Variants in LY86 observed in about 807,000 individuals in gnomAD.
LY86 encodes the protein lymphocyte antigen 86, also known as MD-1, RP105-associated.
In LY86, 20 loss-of-function variants were observed where a neutral mutation model predicts 17.3. That is an observed-to-expected ratio of 1.15 (90% CI 0.81 to 1.68). The LOEUF (loss-of-function observed/expected upper bound fraction) is 1.68. Among genes scored for constraint, LY86 ranks in the 40% most tolerant of loss-of-function variants. LY86 has a pLI of 0.00. For missense variants in LY86, 200 were observed against 191.9 expected, an observed-to-expected ratio of 1.04 and a Z score of -0.25; for synonymous variants, 74 against 70.6, an observed-to-expected ratio of 1.05 and a Z score of -0.24.
intron 1 of LY86, among the ~76,000 whole-genome samples, chr6:6,601,364 T>C (rs1394386180): frequency 7.4e-6 from 1 of 135,838 alleles, no homozygotes; most frequent in African/African-American, 2.6e-5. Flanking sequence ...AACATGGAAA[T>C]ATCTTCATGG....
intron 1 of LY86, among the ~76,000 whole-genome samples, chr6:6,612,375 T>C (rs896664709): frequency 4.6e-5 from 7 of 152,210 alleles, no homozygotes; most frequent in African/African-American, 1.7e-4. Flanking sequence ...ATTTGGAGTG[T>C]TAATCATTTA....
intron 3 of LY86, among the ~76,000 whole-genome samples, chr6:6,630,651 G>A (rs1468499815): frequency 6.6e-6 from 1 of 152,200 alleles, no homozygotes; most frequent in Non-Finnish European, 1.5e-5. Flanking sequence ...CAACAATGCC[G>A]ATAGAACCCC....
intron 1 of LY86, among the ~76,000 whole-genome samples, chr6:6,620,520 G>A (rs547815201): frequency 1.3e-5 from 2 of 152,326 alleles, no homozygotes; most frequent in South Asian, 2.1e-4. Context: ...GCTGCCTGAA[G>A]TCAAATCAAG....
chr6:6,626,018 C>T (rs908602234), intron 2 of LY86, among the ~76,000 whole-genome samples: 2 of 152,160 alleles, frequency 1.3e-5, no homozygotes, highest in East Asian at 1.9e-4. Context: ...CATTAAAAGG[C>T]CATAGCATCA....
intron 1 of LY86, among the ~76,000 whole-genome samples, chr6:6,622,008 A>G (rs1478070231): frequency 6.6e-6 from 1 of 152,030 alleles, no homozygotes; most frequent in Non-Finnish European, 1.5e-5. Flanking sequence ...GAGGACCACA[A>G]ACTGCATGTT....
chr6:6,653,280 G>A (rs145258556), intron 4 of LY86, among the ~76,000 whole-genome samples: 4 of 152,180 alleles, frequency 2.6e-5, no homozygotes, highest in Non-Finnish European at 4.4e-5. Context: ...GCTTCTCTCC[G>A]GTGGTCTCAC....
chr6:6,590,714 T>C (rs1398195481), intron 1 of LY86, among the ~76,000 whole-genome samples: 1 of 152,160 alleles, frequency 6.6e-6, no homozygotes, highest in Non-Finnish European at 1.5e-5. Flanking sequence ...AAATGCCGTT[T>C]GAACTACAGG....
At chr6:6,610,984 C>T (rs957264484) in intron 1 of LY86, among the ~76,000 whole-genome samples, 1 of 152,188 alleles carries the variant, frequency 6.6e-6, no homozygotes, top group East Asian at 1.9e-4. Flanking sequence ...CTTTCTGATA[C>T]CACTTTAAGC....
intron 4 of LY86, among the ~76,000 whole-genome samples, 165 bp from the exon 5 acceptor site, chr6:6,654,379 G>C (rs1762230075): frequency 6.6e-6 from 1 of 152,214 alleles, no homozygotes; most frequent in Non-Finnish European, 1.5e-5. Context: ...GTCTCTCCCA[G>C]AGATGCTGTC....
intron 3 of LY86, 73 bp downstream of exon 3, chr6:6,626,494 G>C: frequency 1.3e-6 from 2 of 1,558,154 alleles, no homozygotes; most frequent in Non-Finnish European, 1.7e-6. Context: ...TCTGAGGCCA[G>C]GACGCCCAGA....
At position 6,654,673 on chromosome 6, in the gene LY86, C is replaced by T. The variant is rs1359259236; in HGVS notation, c.*46C>T. 3.3e-6 allele frequency: 5 copies of T among 1,500,448 alleles called. No homozygotes were observed. Among genetic ancestry groups the T allele is most frequent in the Non-Finnish European group, 4.6e-6 (5 of 1,077,636 alleles). The allele number at this position is 1,500,448 out of a possible 1,614,324, so 92.9% of individuals were successfully genotyped here. A position where few individuals can be genotyped will look rare whatever the true frequency, so the allele number is the denominator to read the frequency against. ...CACAGCCAGCTGCATCTCGTGGGACCTCCAAGCTCCTCTGACTGAACCTAC... is the reference window on the plus strand; with the variant it reads ...CACAGCCAGCTGCATCTCGTGGGACTTCCAAGCTCCTCTGACTGAACCTAC... On this transcript the variant is annotated 3_prime_UTR_variant, in exon 5 of 5. Coordinates refer to ENST00000230568, the MANE Select transcript of LY86 (RefSeq NM_004271.4).
chr6:6,603,942 T>G (rs1038711908), intron 1 of LY86, among the ~76,000 whole-genome samples: 1 of 152,160 alleles, frequency 6.6e-6, no homozygotes, highest in African/African-American at 2.4e-5. Flanking sequence ...TATCTAACTC[T>G]GCCTAATCTC....
chr6:6,619,288 A>G (rs931596941), intron 1 of LY86, among the ~76,000 whole-genome samples: 5 of 152,238 alleles, frequency 3.3e-5, no homozygotes, highest in African/African-American at 1.2e-4. Flanking sequence ...CATTTGGGAA[A>G]GAATTCTGAA....
intron 1 of LY86, among the ~76,000 whole-genome samples, chr6:6,606,482 C>T (rs749701136): frequency 1.8e-4 from 28 of 152,194 alleles, no homozygotes; most frequent in Non-Finnish European, 3.2e-4. Context: ...CACTCCTCAG[C>T]CCTTGGGTGG....
intron 1 of LY86, chr6:6,591,470 G>GT (rs1190579983): frequency 6.5e-6 from 1 of 153,842 alleles, no homozygotes; most frequent in Non-Finnish European, 1.5e-5. Context: ...GGTGAGGTTG[G>GT]TATCTGGATC....
chr6:6,638,829 C>A (rs373064929), intron 3 of LY86, among the ~76,000 whole-genome samples: 1 of 113,634 alleles, frequency 8.8e-6, no homozygotes, highest in East Asian at 3.1e-4. Context: ...CCACAACAGT[C>A]CCCAGAGTGT....
Position 6,606,761 on chromosome 6 carries a change from GGCCCGCAAGCGCCGCGCGCA to G in LY86, c.136+17897_136+17916del, listed in dbSNP as rs1448108591. The stretch of plus-strand genomic sequence containing the variant: ...CCCACGCCCACCCGGAACTCGCGCT[GGCCCGCAAGCGCCGCGCGCA>G]GCCCGGGTTCCCGCTTACGCCTCTC... On this transcript the variant is annotated intron_variant, in intron 1 of 4. Coordinates refer to ENST00000230568, the MANE Select transcript of LY86 (RefSeq NM_004271.4). 6.0e-4 allele frequency among the ~76,000 whole-genome samples: 91 copies of G among 152,350 alleles called. 1 individual carries two copies. Among genetic ancestry groups the G allele is most frequent in the African/African-American group, 2.1e-3 (89 of 41,590 alleles).
At chr6:6,621,383 A>T (rs1318102672) in intron 1 of LY86, 2 of 152,246 alleles carry the variant, frequency 1.3e-5, no homozygotes, top group African/African-American at 4.8e-5. Context: ...CACTGTTCAT[A>T]CTGTAGAAGG....
At chr6:6,612,577 C>T (rs575064033) in intron 1 of LY86, among the ~76,000 whole-genome samples, 1 of 150,670 alleles carries the variant, frequency 6.6e-6, no homozygotes, top group South Asian at 2.2e-4. Flanking sequence ...GTGGAGCCTG[C>T]AGCCTGACTT....
Sources: allele counts gnomAD v4.1 joint callset (sites outside exome capture counted in the v4.1 genomes callset), GRCh38; gene constraint gnomAD v4.1.1; transcripts MANE v1.5; gene names NCBI Gene and HGNC (gene_info 2026-07-23, HGNC 2026-07-21).